Variants in ZFPM2 observed in about 807,000 individuals in gnomAD.
The protein encoded by ZFPM2 is zinc finger protein, FOG family member 2.
Under a neutral mutation model 98.6 loss-of-function variants are expected in ZFPM2, and 20 were observed. The ratio of observed to expected loss-of-function variants is 0.20; its 90% CI spans 0.14 to 0.29. The LOEUF (loss-of-function observed/expected upper bound fraction) is 0.29, where lower values mean the gene tolerates loss of function less well. ZFPM2 is among the 10% of genes least tolerant of loss of function. The pLI is 1.00. For missense variants in ZFPM2, 1,310 were observed against 1,388.6 expected (o/e 0.94, Z 0.90); for synonymous variants, 518 against 502.7 (o/e 1.03, Z -0.41).
chr8:105,393,263 T>C (rs1194033834), intron 1 of ZFPM2, among the ~76,000 whole-genome samples: 1 of 152,128 alleles, frequency 6.6e-6, no homozygotes, highest in Non-Finnish European at 1.5e-5. Context: ...CTGAAGCATG[T>C]GCTATACTGA....
intron 3 of ZFPM2, among the ~76,000 whole-genome samples, chr8:105,445,101 C>T (rs993700822): frequency 2.0e-5 from 3 of 152,070 alleles, no homozygotes; most frequent in South Asian, 2.1e-4. Flanking sequence ...TAGTTTTAGC[C>T]GTAATTTCCA....
At chr8:105,411,993 C>T (rs1811586448) in intron 1 of ZFPM2, among the ~76,000 whole-genome samples, 2 of 151,756 alleles carry the variant, frequency 1.3e-5, no homozygotes, top group Non-Finnish European at 2.9e-5. Context: ...TTCTTGTTAG[C>T]ATCATTCAGT....
At chr8:105,715,565 CAA>C (rs1369116761) in intron 5 of ZFPM2, among the ~76,000 whole-genome samples, 4 of 151,728 alleles carry the variant, frequency 2.6e-5, no homozygotes. Context: ...AAATTTATAA[CAA>C]ATATGTATAT....
intron 5 of ZFPM2, among the ~76,000 whole-genome samples, chr8:105,660,569 A>G (rs961493142): frequency 2.0e-5 from 3 of 152,236 alleles, no homozygotes; most frequent in African/African-American, 7.2e-5. Flanking sequence ...TTGCACATAT[A>G]CACATGTATA....
chr8:105,724,832 G>A (rs1484410485), intron 5 of ZFPM2, among the ~76,000 whole-genome samples: 2 of 151,368 alleles, frequency 1.3e-5, no homozygotes, highest in African/African-American at 4.9e-5. Flanking sequence ...TGCATTCATG[G>A]CACACCTATT....
At chr8:105,699,332 G>A (rs1370277558) in intron 5 of ZFPM2, among the ~76,000 whole-genome samples, 2 of 151,876 alleles carry the variant, frequency 1.3e-5, no homozygotes, top group Non-Finnish European at 2.9e-5. Context: ...ATTTTAAATT[G>A]CTTTCCATTT....
intron 5 of ZFPM2, among the ~76,000 whole-genome samples, chr8:105,700,553 C>A (rs762296933): frequency 6.6e-6 from 1 of 151,382 alleles, no homozygotes; most frequent in East Asian, 1.9e-4. Context: ...GACCTTATCC[C>A]TAGGAGTTTT....
intron 4 of ZFPM2, among the ~76,000 whole-genome samples, chr8:105,564,412 T>G (rs1000090980): frequency 2.0e-5 from 3 of 152,068 alleles, no homozygotes; most frequent in Non-Finnish European, 4.4e-5. Context: ...TTCAAATGTT[T>G]TTCTTTTGAA....
chr8:105,783,256 T>C (rs1292767342), intron 5 of ZFPM2, among the ~76,000 whole-genome samples: 1 of 140,368 alleles, frequency 7.1e-6, no homozygotes, highest in Non-Finnish European at 1.5e-5. Flanking sequence ...AATCATCTCA[T>C]ATGAAGCCAC....
intron 1 of ZFPM2, among the ~76,000 whole-genome samples, chr8:105,374,993 C>A (rs1810695054): frequency 6.6e-6 from 1 of 152,000 alleles, no homozygotes; most frequent in Non-Finnish European, 1.5e-5. Flanking sequence ...GCTGTCAAGT[C>A]CTAACTTGCT....
At chr8:105,700,855 C>T (rs569374959) in intron 5 of ZFPM2, among the ~76,000 whole-genome samples, 2 of 152,144 alleles carry the variant, frequency 1.3e-5, no homozygotes, top group South Asian at 2.1e-4. Flanking sequence ...CCTCCCAAAG[C>T]GCTGGGATTA....
chr8:105,327,183 T>C (rs1350463477), intron 1 of ZFPM2, among the ~76,000 whole-genome samples: 3 of 151,598 alleles, frequency 2.0e-5, no homozygotes, highest in Non-Finnish European at 4.4e-5. Flanking sequence ...CTGTATAATA[T>C]TGCATAGGAA....
chr8:105,551,107 A>G (rs1434297591), intron 3 of ZFPM2, among the ~76,000 whole-genome samples: 1 of 152,220 alleles, frequency 6.6e-6, no homozygotes, highest in Non-Finnish European at 1.5e-5. Flanking sequence ...GTGCCAAATT[A>G]TAGCCTATAA....
intron 5 of ZFPM2, among the ~76,000 whole-genome samples, chr8:105,737,045 G>A (rs1383193186): frequency 1.3e-5 from 2 of 151,828 alleles, no homozygotes; most frequent in Non-Finnish European, 2.9e-5. Context: ...ACATGATTTT[G>A]CATATAATTT....
At chr8:105,722,671 T>C (rs778509692) in intron 5 of ZFPM2, among the ~76,000 whole-genome samples, 1 of 151,804 alleles carries the variant, frequency 6.6e-6, no homozygotes, top group African/African-American at 2.4e-5. Context: ...CATAAAGGGC[T>C]TCATCCTTGC....
intron 5 of ZFPM2, among the ~76,000 whole-genome samples, chr8:105,761,254 A>C (rs1812728938): frequency 6.6e-6 from 1 of 152,042 alleles, no homozygotes; most frequent in East Asian, 1.9e-4. Flanking sequence ...TTCTTTTAAG[A>C]GCACAGAGTA....
At chr8:105,518,982 C>T (rs532314489) in intron 3 of ZFPM2, among the ~76,000 whole-genome samples, 2 of 152,224 alleles carry the variant, frequency 1.3e-5, no homozygotes, top group South Asian at 2.1e-4. Flanking sequence ...GATTTGGAGA[C>T]AAAAATAATA....
intron 1 of ZFPM2, among the ~76,000 whole-genome samples, chr8:105,368,764 G>A (rs1418894813): frequency 6.6e-6 from 1 of 152,078 alleles, no homozygotes; most frequent in Admixed American, 6.6e-5. Flanking sequence ...TTCAAGATAG[G>A]GGAAAGAGGA....
chr8:105,507,077 T>C (rs7003261), intron 3 of ZFPM2, among the ~76,000 whole-genome samples: 55,685 of 151,678 alleles, frequency 0.37, 12,091 homozygotes, highest in African/African-American at 0.62. Context: ...CAGATGGATC[T>C]AGGAGTGTCA....
Sources: gnomAD v4.1 joint callset for allele counts (sites outside exome capture counted in the v4.1 genomes callset) on GRCh38, gnomAD v4.1.1 for gene constraint, MANE v1.5 for transcripts, NCBI Gene and HGNC (gene_info 2026-07-23, HGNC 2026-07-21) for gene names.